Variants in MNDA observed in about 807,000 individuals in gnomAD.
MNDA encodes epididymis secretory sperm binding protein.
A neutral mutation model predicts 37.8 loss-of-function variants in MNDA; 43 were observed. The observed-to-expected ratio is 1.14, with a 90% CI of 0.89 to 1.47. MNDA has a LOEUF of 1.47. Among genes scored for constraint, MNDA ranks in the 40% most tolerant of loss-of-function variants. The probability of loss-of-function intolerance (pLI) is 0.00; values close to 1 mark genes in which losing one functional copy is unlikely to be tolerated. For synonymous variants in MNDA, 181 were observed against 169.0 expected (o/e 1.07, Z -0.55); for missense variants, 536 against 476.0 (o/e 1.13, Z -1.17).
At chr1:158,843,226 G>T (rs1260402709) in intron 2 of MNDA, 53 bp from the exon 3 acceptor site, 4 of 1,545,626 alleles carry the variant, frequency 2.6e-6, no homozygotes, top group Non-Finnish European at 3.5e-6. Context: ...AGCTGTCTTA[G>T]ATAAGCTATT....
chr1:158,836,291 G>A (rs1658914458), intron 1 of MNDA, among the ~76,000 whole-genome samples: 1 of 151,940 alleles, frequency 6.6e-6, no homozygotes, highest in African/African-American at 2.4e-5. Flanking sequence ...AAGACTTTGA[G>A]GAATTTTGGT....
Position 158,842,165 on chromosome 1 carries a change from A to G in MNDA, c.12A>G (p.Glu4=), listed in dbSNP as rs773819837. The G allele has an allele frequency of 7.5e-6, 12 of 1,610,492 alleles. No homozygotes were observed. Among genetic ancestry groups the G allele is most frequent in the Non-Finnish European group, 1.0e-5 (12 of 1,178,452 alleles). The part of the protein sequence containing the change: MVN[E]YKKILLLKGF... ...CTATAACATCAGAAATGGTGAATGA[A>G]TACAAGAAAATTCTTTTGCTGAAAG... Residue 4 remains glutamate (E), a synonymous_variant, in exon 2 of 7, where the codon GAA becomes GAG. Coordinates refer to ENST00000368141, the MANE Select transcript of MNDA (RefSeq NM_002432.3).
intron 1 of MNDA, among the ~76,000 whole-genome samples, chr1:158,837,090 A>T (rs1658931070): frequency 6.6e-6 from 1 of 151,892 alleles, no homozygotes; most frequent in Non-Finnish European, 1.5e-5. Context: ...TTTAACATTT[A>T]TTAACACTTG....
intron 1 of MNDA, among the ~76,000 whole-genome samples, chr1:158,838,718 A>ACT (rs1558055401): frequency 3.3e-5 from 5 of 152,152 alleles, no homozygotes; most frequent in Non-Finnish European, 7.4e-5. Flanking sequence ...TACATAATGC[A>ACT]TATATTGTCC....
chr1:158,841,334 T>C (rs1462382287), intron 1 of MNDA, among the ~76,000 whole-genome samples: 1 of 152,048 alleles, frequency 6.6e-6, no homozygotes, highest in Non-Finnish European at 1.5e-5. Flanking sequence ...AAATCAAAAC[T>C]CATTGAAGGA....
intron 6 of MNDA, 102 bp downstream of exon 6, chr1:158,848,018 C>T (rs532088686): frequency 1.0e-4 from 109 of 1,071,566 alleles, no homozygotes; most frequent in Middle Eastern, 2.1e-4. Context: ...GAGAGTCCAG[C>T]GAGTGGAAGG....
chr1:158,837,107 A>G (rs955554146), intron 1 of MNDA, among the ~76,000 whole-genome samples: 1 of 151,838 alleles, frequency 6.6e-6, no homozygotes, highest in African/African-American at 2.4e-5. Flanking sequence ...CTTGTTTGGC[A>G]TCCTAATTTG....
chr1:158,842,503 C>A lies in MNDA; in HGVS notation c.265+85C>A, dbSNP rs1329294991. On this transcript the variant is annotated intron_variant, in intron 2 of 6. Transcript: ENST00000368141. ...AACCCCACCTTGGTCATAGCTGGTA[C>A]ATCCCTTTTCCAATTTATAACTCAG... The A allele has an allele frequency of 4.3e-6, 6 of 1,406,486 alleles. No individual in the cohort carries two copies. In the East Asian group the frequency reaches 1.4e-4, roughly 32 times the overall value. 87.1% of individuals were successfully genotyped at this position (1,406,486 alleles called of 1,614,324 possible).
At chr1:158,841,376 A>G (rs1558056201) in intron 1 of MNDA, among the ~76,000 whole-genome samples, 2 of 152,248 alleles carry the variant, frequency 1.3e-5, no homozygotes, top group Non-Finnish European at 2.9e-5. Context: ...GTCTTTATCC[A>G]TAAAGAAACC....
intron 1 of MNDA, among the ~76,000 whole-genome samples, chr1:158,840,259 T>C (rs1659003769): frequency 1.3e-5 from 2 of 152,132 alleles, no homozygotes; most frequent in Admixed American, 1.3e-4. Flanking sequence ...CACGCTGCTA[T>C]GAAGAAATAC....
chr1:158,843,182 A>G (rs1659065607), intron 2 of MNDA, 97 bp from the exon 3 acceptor site: 1 of 1,448,074 alleles, frequency 6.9e-7, no homozygotes, highest in Non-Finnish European at 9.3e-7. Flanking sequence ...ACTCTCATGC[A>G]GGAGCTGACA....
At position 158,845,959 on chromosome 1, in the gene MNDA, C is replaced by T. The variant is rs1571660569; in HGVS notation, c.943C>T (p.Gln315Ter). The T allele has an allele frequency of 6.2e-7, 1 of 1,614,026 alleles. No individual in the cohort carries two copies. Among genetic ancestry groups the T allele is most frequent in the Non-Finnish European group, 8.5e-7 (1 of 1,179,964 alleles). ...TCCCAAGATCAGTCAACTTTACAAG[C>T]AAGCATCTGGAACAATGGTGTATGG... ...KTPKISQLYK[Q>*]ASGTMVYGLF... Residue 315 changes from glutamine to a stop codon, truncating the protein, a stop_gained, in exon 5 of 7, where the codon CAA becomes TAA. Transcript: ENST00000368141. LOFTEE classifies it high-confidence loss of function.
In MNDA at chr1:158,844,525, T is replaced by A. The variant is rs139326771; in HGVS notation, c.570+403T>A. ...CACTGTGGAGAGAGGACATACGAGA[T>A]AAACAAACTTGTCCTTTTTCCATTG... On this transcript the variant is annotated intron_variant, in intron 4 of 6. Transcript: ENST00000368141. Among the ~76,000 whole-genome samples, 310 of 149,964 alleles carry A rather than the reference T, an allele frequency of 2.1e-3. 2 individuals carry two copies. The highest frequency in any genetic ancestry group is 7.1e-3 in the African/African-American group (287 of 40,550).
chr1:158,832,516 T>A (rs1009021501), intron 1 of MNDA, among the ~76,000 whole-genome samples: 14 of 151,660 alleles, frequency 9.2e-5, no homozygotes, highest in African/African-American at 3.4e-4. Context: ...AGAATATGTA[T>A]ATCTAAGTAT....
At chr1:158,834,074 T>G (rs1658859055) in intron 1 of MNDA, among the ~76,000 whole-genome samples, 1 of 152,126 alleles carries the variant, frequency 6.6e-6, no homozygotes, top group Non-Finnish European at 1.5e-5. Flanking sequence ...GCTCCGATGT[T>G]TTGTGCATGT....
chr1:158,831,592 T>C (rs1199457833), intron 1 of MNDA, 35 bp downstream of exon 1: 1 of 152,188 alleles, frequency 6.6e-6, no homozygotes, highest in Non-Finnish European at 1.5e-5. Flanking sequence ...GAGAAAGATC[T>C]AGGTATCTAG....
Position 158,847,752 on chromosome 1 carries a change from A to T in MNDA, c.1012A>T (p.Ile338Phe), listed in dbSNP as rs1396221507. ...QKKSVHKKNT[I>F]YEIQDNTGSM... ...GAAAAGCGTACACAAGAAGAACACA[A>T]TTTATGAAATACAGGATAATACAGG... The change falls in exon 6 of 7, where the codon ATT becomes TTT. Residue 338 changes from isoleucine (I) to phenylalanine (F), a missense_variant. Coordinates refer to ENST00000368141, the MANE Select transcript of MNDA (RefSeq NM_002432.3). 1 of 1,612,754 alleles carries T rather than the reference A, an allele frequency of 6.2e-7. No homozygotes were observed. The highest frequency in any genetic ancestry group is 8.5e-7 in the Non-Finnish European group (1 of 1,179,504).
At position 158,845,873 on chromosome 1, in the gene MNDA, T is replaced by C; in HGVS notation, c.857T>C (p.Val286Ala). The change falls in exon 5 of 7, where the codon GTG becomes GCG. Residue 286 changes from valine to alanine, a missense_variant. Physicochemically the swap from Val to Ala is moderately conservative, Grantham distance 64. Coordinates refer to ENST00000368141, the MANE Select transcript of MNDA (RefSeq NM_002432.3). ...ATGGAAATAAAGGAAGCATCATCTG[T>C]GTCTGACTTTAATCAAAATTTTGAG... ...GVMEIKEASS[V>A]SDFNQNFEVP... 1 of 1,614,200 alleles carries C rather than the reference T, an allele frequency of 6.2e-7. No homozygotes were observed.
chr1:158,837,335 T>G (rs1006148913), intron 1 of MNDA, among the ~76,000 whole-genome samples: 1 of 151,870 alleles, frequency 6.6e-6, no homozygotes, highest in Non-Finnish European at 1.5e-5. Context: ...ACCTTAGAGT[T>G]GTCTATTTCT....
Sources: allele counts gnomAD v4.1 joint callset (sites outside exome capture counted in the v4.1 genomes callset), GRCh38; gene constraint gnomAD v4.1.1; transcripts MANE v1.5; gene names NCBI Gene and HGNC (gene_info 2026-07-23, HGNC 2026-07-21).